The following MAP7 variants were observed in gnomAD, a reference collection of about 807,000 sequenced individuals.
MAP7 encodes the protein ensconsin.
In MAP7, 52 loss-of-function variants were observed where a neutral mutation model predicts 94.8. The observed-to-expected ratio is 0.55, with a 90% CI of 0.44 to 0.69. MAP7 has a LOEUF of 0.69. MAP7 is among the 30% of genes least tolerant of loss of function. MAP7 has a pLI of 0.00. For missense variants in MAP7, 940 were observed against 964.6 expected (o/e 0.97, Z 0.34); for synonymous variants, 350 against 357.0 (o/e 0.98, Z 0.22).
chr6:136,506,763 C>G (rs759109098), intron 1 of MAP7, among the ~76,000 whole-genome samples: 1 of 152,156 alleles, frequency 6.6e-6, no homozygotes, highest in Admixed American at 6.5e-5. Context: ...ATATTTGAGT[C>G]CTTGTGGACA....
chr6:136,545,855 C>G (rs913525081), intron 1 of MAP7, among the ~76,000 whole-genome samples: 1 of 151,934 alleles, frequency 6.6e-6, no homozygotes, highest in Non-Finnish European at 1.5e-5. Context: ...GAAATAATTA[C>G]ATCATGGAGA....
At chr6:136,425,318 C>T (rs1393067128) in intron 1 of MAP7, among the ~76,000 whole-genome samples, 6 of 152,348 alleles carry the variant, frequency 3.9e-5, no homozygotes, top group Non-Finnish European at 7.3e-5. Flanking sequence ...ACATGCTTCT[C>T]GGCTACAGTC....
At chr6:136,467,174 T>C (rs745825060) in intron 1 of MAP7, among the ~76,000 whole-genome samples, 13 of 152,336 alleles carry the variant, frequency 8.5e-5, no homozygotes, top group Middle Eastern at 3.4e-3. Flanking sequence ...ACATTAAACA[T>C]ACATTAAAAA....
intron 1 of MAP7, among the ~76,000 whole-genome samples, chr6:136,449,187 G>T (rs942910943): frequency 6.6e-6 from 1 of 151,816 alleles, no homozygotes; most frequent in South Asian, 2.1e-4. Context: ...CCCAGCTACT[G>T]GGGAGGCTGA....
intron 1 of MAP7, among the ~76,000 whole-genome samples, chr6:136,477,406 C>A (rs908237842): frequency 6.6e-6 from 1 of 152,098 alleles, no homozygotes; most frequent in Non-Finnish European, 1.5e-5. Flanking sequence ...TAGCACAATA[C>A]ATAATCTTGA....
At chr6:136,385,468 T>C (rs567991444) in intron 5 of MAP7, among the ~76,000 whole-genome samples, 55 of 152,332 alleles carry the variant, frequency 3.6e-4, no homozygotes, top group African/African-American at 1.2e-3. Flanking sequence ...GATATTGCTT[T>C]ATATGTTATG....
At chr6:136,427,220 G>A (rs1010237650) in intron 1 of MAP7, among the ~76,000 whole-genome samples, 5 of 152,208 alleles carry the variant, frequency 3.3e-5, no homozygotes, top group African/African-American at 9.6e-5. Context: ...ACCCTCCACC[G>A]GAAATGGGAC....
chr6:136,542,377 C>T (rs1829396271), intron 1 of MAP7, among the ~76,000 whole-genome samples: 1 of 152,158 alleles, frequency 6.6e-6, no homozygotes, highest in South Asian at 2.1e-4. Flanking sequence ...ATGAAACGTC[C>T]AATGACAGAC....
intron 1 of MAP7, among the ~76,000 whole-genome samples, chr6:136,536,425 G>C (rs965534239): frequency 7.9e-5 from 12 of 152,058 alleles, no homozygotes; most frequent in Admixed American, 2.0e-4. Flanking sequence ...ACCTAAACCC[G>C]TGGATGGCAG....
chr6:136,445,848 G>A (rs1234050303), intron 1 of MAP7, among the ~76,000 whole-genome samples: 1 of 152,166 alleles, frequency 6.6e-6, no homozygotes, highest in Admixed American at 6.5e-5. Flanking sequence ...TGTAAAATCT[G>A]TATAAAGATA....
chr6:136,533,919 C>T (rs1202931652), intron 1 of MAP7, among the ~76,000 whole-genome samples: 1 of 152,124 alleles, frequency 6.6e-6, no homozygotes, highest in Non-Finnish European at 1.5e-5. Flanking sequence ...TATCACCATC[C>T]TTTGCTACTT....
rs533323700 is a variant in MAP7 at position 136,452,369 on chromosome 6, C to G, written c.68-30570G>C. Among the ~76,000 whole-genome samples the G allele has an allele frequency of 3.3e-5, 5 of 152,242 alleles. No individual in the cohort carries two copies. The East Asian group carries it at 5.8e-4, about 18-fold the overall frequency. On this transcript the variant is annotated intron_variant, in intron 1 of 17. Coordinates refer to ENST00000354570, the MANE Select transcript of MAP7 (RefSeq NM_003980.6). ...CAAGGGATTTAGAATATTACACAAA[C>G]TTAGAGAGGAACTGACCCCAATTTT...
intron 2 of MAP7, among the ~76,000 whole-genome samples, chr6:136,417,151 GT>G (rs1789754377): frequency 6.6e-6 from 1 of 152,136 alleles, no homozygotes; most frequent in African/African-American, 2.4e-5. Flanking sequence ...ATTCCACATT[GT>G]TTCCCAATGG....
chr6:136,380,912 G>A (rs1212872594), intron 6 of MAP7, among the ~76,000 whole-genome samples: 1 of 152,178 alleles, frequency 6.6e-6, no homozygotes, highest in Non-Finnish European at 1.5e-5. Context: ...ATAACTAGTA[G>A]AGCTCTTTGG....
At position 136,478,888 on chromosome 6, in the gene MAP7, C is replaced by T. The variant is rs1428633066; in HGVS notation, c.68-57089G>A. Reference sequence around the variant, plus strand: ...ATTTAAAGAAGAACTAATGCTAATCCTACTCAAATTTTTTCCAGAAAAAAA... The same window carrying T: ...ATTTAAAGAAGAACTAATGCTAATCTTACTCAAATTTTTTCCAGAAAAAAA... On this transcript the variant is annotated intron_variant, in intron 1 of 17. Transcript: ENST00000354570. 2.0e-5 allele frequency among the ~76,000 whole-genome samples: 3 copies of T among 149,470 alleles called. No individual in the cohort carries two copies. In the East Asian group the frequency reaches 6.0e-4, roughly 30 times the overall value.
intron 2 of MAP7, chr6:136,419,969 T>G (rs1282674148): frequency 1.2e-5 from 8 of 690,826 alleles, no homozygotes; most frequent in Non-Finnish European, 2.1e-5. Flanking sequence ...TCTGAGTGTC[T>G]GGTTACAATA....
chr6:136,458,467 A>G (rs915489911), intron 1 of MAP7, among the ~76,000 whole-genome samples: 2 of 152,106 alleles, frequency 1.3e-5, no homozygotes, highest in Admixed American at 1.3e-4. Flanking sequence ...TGAATAGTCA[A>G]ATGATCAGGA....
chr6:136,476,765 G>A (rs1811058458), intron 1 of MAP7, among the ~76,000 whole-genome samples: 2 of 151,844 alleles, frequency 1.3e-5, no homozygotes, highest in African/African-American at 4.8e-5. Flanking sequence ...GTATGTGTAT[G>A]TATACATGTG....
chr6:136,409,281 A>C (rs1468341071), intron 3 of MAP7, among the ~76,000 whole-genome samples: 1 of 152,190 alleles, frequency 6.6e-6, no homozygotes, highest in Non-Finnish European at 1.5e-5. Context: ...GCTACTAAAG[A>C]GGCTGAGGAG....
Sources: gnomAD v4.1 joint callset for allele counts (sites outside exome capture counted in the v4.1 genomes callset) on GRCh38, gnomAD v4.1.1 for gene constraint, MANE v1.5 for transcripts, NCBI Gene and HGNC (gene_info 2026-07-23, HGNC 2026-07-21) for gene names.